The following NOL4 variants were observed in gnomAD, a reference collection of about 807,000 sequenced individuals.
NOL4 encodes nucleolar protein 4.
A neutral mutation model predicts 75.9 loss-of-function variants in NOL4; 17 were observed. The observed-to-expected ratio is 0.22, with a 90% CI of 0.15 to 0.34. The LOEUF is 0.34. Among genes scored for constraint, NOL4 ranks in the 10% least tolerant of loss-of-function variants. NOL4 has a pLI of 1.00. For missense variants in NOL4, 614 were observed against 793.5 expected, an observed-to-expected ratio of 0.77 and a Z score of 2.72; for synonymous variants, 292 against 289.9, an observed-to-expected ratio of 1.01 and a Z score of -0.07.
intron 9 of NOL4, among the ~76,000 whole-genome samples, chr18:33,911,024 G>T (rs1357026646): frequency 6.6e-6 from 1 of 151,968 alleles, no homozygotes. Context: ...TATAATTTGG[G>T]TGAGCAGGAA....
At chr18:34,189,770 T>C (rs1362462397) in intron 1 of NOL4, among the ~76,000 whole-genome samples, 1 of 152,020 alleles carries the variant, frequency 6.6e-6, no homozygotes, top group Admixed American at 6.6e-5. Context: ...TGAGTCCTCA[T>C]TTGCAAAATA....
chr18:34,151,925 A>G (rs1015888343), intron 1 of NOL4, among the ~76,000 whole-genome samples: 3 of 151,858 alleles, frequency 2.0e-5, no homozygotes, highest in African/African-American at 7.2e-5. Context: ...CTGTGCGGCA[A>G]CAGAGGAAAG....
chr18:34,121,991 C>T (rs1052721937), intron 2 of NOL4, among the ~76,000 whole-genome samples: 1 of 152,134 alleles, frequency 6.6e-6, no homozygotes, highest in Non-Finnish European at 1.5e-5. Flanking sequence ...AATAATTAGA[C>T]ACTAATGAAT....
At chr18:33,854,858 G>C (rs1371466699) in intron 10 of NOL4, among the ~76,000 whole-genome samples, 1 of 151,886 alleles carries the variant, frequency 6.6e-6, no homozygotes, top group Non-Finnish European at 1.5e-5. Context: ...TCTTTCTAAA[G>C]TGAGGGAGAT....
At chr18:33,983,220 A>C (rs1220220531) in intron 6 of NOL4, among the ~76,000 whole-genome samples, 2 of 152,152 alleles carry the variant, frequency 1.3e-5, no homozygotes, top group Non-Finnish European at 2.9e-5. Flanking sequence ...CAGAGCACAA[A>C]GGATTTTAAG....
At chr18:34,179,164 C>G (rs186675336) in intron 1 of NOL4, among the ~76,000 whole-genome samples, 1 of 151,480 alleles carries the variant, frequency 6.6e-6, no homozygotes, top group African/African-American at 2.4e-5. Context: ...CACAACGTAT[C>G]AAAACTTATA....
At chr18:34,130,416 G>C (rs527920221) in intron 1 of NOL4, among the ~76,000 whole-genome samples, 6 of 151,706 alleles carry the variant, frequency 4.0e-5, no homozygotes. Context: ...TTGAGTTGCT[G>C]GGCCCTGGAA....
chr18:34,089,278 A>AT (rs2078393275), intron 5 of NOL4, among the ~76,000 whole-genome samples: 1 of 152,088 alleles, frequency 6.6e-6, no homozygotes, highest in Non-Finnish European at 1.5e-5. Flanking sequence ...TTAAAAAAAA[A>AT]TTTTAATTTA....
intron 9 of NOL4, among the ~76,000 whole-genome samples, chr18:33,893,440 C>T (rs915252577): frequency 1.3e-5 from 2 of 152,080 alleles, no homozygotes; most frequent in African/African-American, 2.4e-5. Context: ...ACTCTAGATG[C>T]CTAAGAAATG....
intron 5 of NOL4, among the ~76,000 whole-genome samples, chr18:34,056,670 C>T (rs2076846721): frequency 6.6e-6 from 1 of 152,140 alleles, no homozygotes; most frequent in Non-Finnish European, 1.5e-5. Flanking sequence ...GGAATGTTTC[C>T]TCCAGTGTGC....
intron 8 of NOL4, among the ~76,000 whole-genome samples, chr18:33,949,172 T>A (rs3786265): frequency 4.5e-4 from 69 of 152,172 alleles, no homozygotes; most frequent in Non-Finnish European, 7.9e-4. Flanking sequence ...AACTGAAAAG[T>A]TCTAAATTCC....
intron 2 of NOL4, among the ~76,000 whole-genome samples, chr18:34,124,758 T>C (rs983535764): frequency 6.6e-6 from 1 of 151,950 alleles, no homozygotes. Flanking sequence ...TACAAAAAAA[T>C]TAACCAGCCA....
chr18:33,901,609 C>A (rs1252229404), intron 9 of NOL4, among the ~76,000 whole-genome samples: 1 of 151,878 alleles, frequency 6.6e-6, no homozygotes, highest in Non-Finnish European at 1.5e-5. Flanking sequence ...TGGGGAAACA[C>A]GTTTATAAAA....
At chr18:34,159,357 A>C (rs4270249) in intron 1 of NOL4, among the ~76,000 whole-genome samples, 76,462 of 151,806 alleles carry the variant, frequency 0.5, 19,328 homozygotes, top group Admixed American at 0.57. Flanking sequence ...GTCCCCCGCC[A>C]CCAGTACCCA....
intron 6 of NOL4, among the ~76,000 whole-genome samples, chr18:33,980,832 A>G (rs1018028364): frequency 5.9e-5 from 9 of 152,076 alleles, no homozygotes; most frequent in African/African-American, 2.2e-4. Context: ...AAAGCATAAC[A>G]TGAAGAGACA....
chr18:33,884,635 A>G (rs1457493303), intron 9 of NOL4, among the ~76,000 whole-genome samples: 2 of 150,728 alleles, frequency 1.3e-5, no homozygotes, highest in African/African-American at 4.9e-5. Context: ...CTTTTTGTTA[A>G]TAGGAAAGAA....
In NOL4 at chr18:33,938,990, A is replaced by G. The variant is rs60105235; in HGVS notation, c.1542+4075T>C. ...GAAAAGGTCCAGTTTCAGCTTTCTG[A>G]GTATGGCTATCCAGTTTTCCCAACA... On this transcript the variant is annotated intron_variant, in intron 9 of 10. Transcript: ENST00000261592. Among the ~76,000 whole-genome samples the G allele has an allele frequency of 4.6e-3, 705 of 152,042 alleles. 6 individuals carry two copies. Among genetic ancestry groups the G allele is most frequent in the African/African-American group, 0.016 (644 of 41,526 alleles).
intron 6 of NOL4, among the ~76,000 whole-genome samples, chr18:33,964,781 T>C (rs2070445124): frequency 6.6e-6 from 1 of 152,136 alleles, no homozygotes; most frequent in Non-Finnish European, 1.5e-5. Context: ...AAATTCCATT[T>C]GTAAGAAAAA....
chr18:33,946,102 T>A (rs1007880363), intron 8 of NOL4, among the ~76,000 whole-genome samples: 4 of 151,752 alleles, frequency 2.6e-5, no homozygotes, highest in Non-Finnish European at 5.9e-5. Context: ...GGTAGACATG[T>A]ACATGAATGT....
Sources: allele counts gnomAD v4.1 joint callset (sites outside exome capture counted in the v4.1 genomes callset), GRCh38; gene constraint gnomAD v4.1.1; transcripts MANE v1.5; gene names NCBI Gene and HGNC (gene_info 2026-07-23, HGNC 2026-07-21).